The following NEIL3 variants were observed in gnomAD, a reference collection of about 807,000 sequenced individuals.
NEIL3 encodes the protein nei like DNA glycosylase 3.
In NEIL3, 48 loss-of-function variants were observed where a neutral mutation model predicts 57.5. That is an observed-to-expected ratio of 0.83 (90% CI 0.66 to 1.06). The LOEUF (loss-of-function observed/expected upper bound fraction) is 1.06, where lower values mean the gene tolerates loss of function less well. Ranked by LOEUF, NEIL3 falls within the 50% of genes least tolerant of loss-of-function variation. The probability of loss-of-function intolerance (pLI) is 0.00; values close to 1 mark genes in which losing one functional copy is unlikely to be tolerated. For synonymous variants in NEIL3, 261 were observed against 253.2 expected, an observed-to-expected ratio of 1.03 and a Z score of -0.29; for missense variants, 717 against 739.1, an observed-to-expected ratio of 0.97 and a Z score of 0.35.
intron 2 of NEIL3, among the ~76,000 whole-genome samples, chr4:177,327,181 G>A (rs1302029856): frequency 6.6e-6 from 1 of 152,096 alleles, no homozygotes; most frequent in African/African-American, 2.4e-5. Flanking sequence ...ATGATTGTAA[G>A]TTTCCTGAGA....
chr4:177,346,991 G>C (rs544534094), intron 6 of NEIL3, among the ~76,000 whole-genome samples: 63 of 132,000 alleles, frequency 4.8e-4, no homozygotes, highest in Non-Finnish European at 1.4e-4. Flanking sequence ...AACAGAGCGA[G>C]ACTCCGTCTC....
At chr4:177,315,909 A>G (rs6830978) in intron 1 of NEIL3, among the ~76,000 whole-genome samples, 2,675 of 152,306 alleles carry the variant, frequency 0.018, 83 homozygotes, top group African/African-American at 0.058. Flanking sequence ...AGACAACTGA[A>G]TAAAAAAATC....
chr4:177,323,611 A>G (rs34683769), intron 2 of NEIL3, among the ~76,000 whole-genome samples: 77 of 152,282 alleles, frequency 5.1e-4, no homozygotes, highest in African/African-American at 1.7e-3. Context: ...GCATATGCCT[A>G]GTTGTTCATG....
At chr4:177,311,166 TACTC>T (rs1320264112) in intron 1 of NEIL3, among the ~76,000 whole-genome samples, 3 of 152,142 alleles carry the variant, frequency 2.0e-5, no homozygotes, top group African/African-American at 7.2e-5. Context: ...TTATGAAAAT[TACTC>T]ATTCAATAAA....
chr4:177,311,295 A>C lies in NEIL3; in HGVS notation c.156+1186A>C, dbSNP rs1734470960. On this transcript the variant is annotated intron_variant, in intron 1 of 9. Coordinates refer to ENST00000264596, the MANE Select transcript of NEIL3 (RefSeq NM_018248.3). The stretch of plus-strand genomic sequence containing the variant: ...ATTAAATAATCACCTAAAGAAATAT[A>C]AATTAATAAGTTCTGTGAAGGAGAG... 2.0e-5 allele frequency among the ~76,000 whole-genome samples: 3 copies of C among 152,270 alleles called. No individual in the cohort carries two copies. In the South Asian group the frequency reaches 6.2e-4, roughly 32 times the overall value.
intron 6 of NEIL3, 66 bp downstream of exon 6, chr4:177,341,708 A>C: frequency 7.5e-7 from 1 of 1,337,694 alleles, no homozygotes; most frequent in Non-Finnish European, 1.0e-6. Context: ...TAATAATCTG[A>C]GAATATAACT....
chr4:177,351,292 G>T (rs1031505332), intron 6 of NEIL3, 88 bp from the exon 7 acceptor site: 4 of 731,170 alleles, frequency 5.5e-6, no homozygotes, highest in East Asian at 6.4e-5. Flanking sequence ...TAGCATTGGG[G>T]TATTAATGGT....
chr4:177,335,573 C>T (rs1734957093), intron 2 of NEIL3, 115 bp from the exon 3 acceptor site: 1 of 854,866 alleles, frequency 1.2e-6, no homozygotes, highest in Admixed American at 2.4e-5. Context: ...TTAAAAGTGT[C>T]TATCCTGACT....
intron 1 of NEIL3, among the ~76,000 whole-genome samples, chr4:177,316,816 T>C (rs1734582298): frequency 1.3e-5 from 2 of 152,192 alleles, no homozygotes; most frequent in Non-Finnish European, 2.9e-5. Flanking sequence ...TAGTAAGTAC[T>C]ATGACAGTGG....
In NEIL3 at chr4:177,315,521, T is replaced by C. The variant is rs145041829; in HGVS notation, c.156+5412T>C. Among the ~76,000 whole-genome samples, 259 of 152,328 alleles carry C rather than the reference T, an allele frequency of 1.7e-3. No individual in the cohort carries two copies. In the Middle Eastern group the frequency reaches 0.051, roughly 30 times the overall value. On this transcript the variant is annotated intron_variant, in intron 1 of 9. Transcript: ENST00000264596. ...CAAGTGTATATTGGACAATTACGTA[T>C]AGTCATAGCAAAGATAACAGGCTTA...
intron 4 of NEIL3, among the ~76,000 whole-genome samples, chr4:177,336,997 G>T (rs774798256): frequency 4.6e-5 from 7 of 152,026 alleles, no homozygotes; most frequent in Non-Finnish European, 1.0e-4. Context: ...GAAAATATTG[G>T]CTTGCTAGAG....
In NEIL3 at chr4:177,339,773, C is replaced by G. The variant is rs763634289; in HGVS notation, c.628-10C>G. Reference sequence around the variant, plus strand: ...ATGAAACTAGGCTCTGCTGTTTTTTCCACTTCAAGGTTTGTCAATTAACAG... The same window carrying G: ...ATGAAACTAGGCTCTGCTGTTTTTTGCACTTCAAGGTTTGTCAATTAACAG... On this transcript the variant is annotated splice_polypyrimidine_tract_variant and intron_variant, in intron 4 of 9. Coordinates refer to ENST00000264596, the MANE Select transcript of NEIL3 (RefSeq NM_018248.3). 3.8e-6 allele frequency: 6 copies of G among 1,599,004 alleles called. No individual in the cohort carries two copies. The highest frequency in any genetic ancestry group is 5.1e-6 in the Non-Finnish European group (6 of 1,168,114).
chr4:177,323,722 G>A (rs35120812), intron 2 of NEIL3, among the ~76,000 whole-genome samples: 49 of 152,290 alleles, frequency 3.2e-4, no homozygotes, highest in African/African-American at 1.2e-3. Flanking sequence ...ATCTATGCAC[G>A]ATAGTTGAAA....
At chr4:177,327,055 G>A (rs1196242175) in intron 2 of NEIL3, among the ~76,000 whole-genome samples, 3 of 152,090 alleles carry the variant, frequency 2.0e-5, no homozygotes, top group Non-Finnish European at 4.4e-5. Flanking sequence ...TCTTGTGATA[G>A]TGAGTGAGTT....
chr4:177,353,652 C>A lies in NEIL3; in HGVS notation c.1384C>A (p.Pro462Thr), dbSNP rs769952781. The A allele has an allele frequency of 1.4e-5, 22 of 1,613,616 alleles. No individual in the cohort carries two copies. The African/African-American group carries it at 2.4e-4, about 18-fold the overall frequency. Residue 462 changes from proline to threonine, a missense_variant, in exon 8 of 10, where the codon CCA (proline) becomes ACA (threonine). Pro to Thr is a conservative substitution (Grantham distance 38). Coordinates refer to ENST00000264596, the MANE Select transcript of NEIL3 (RefSeq NM_018248.3). ...CAGTTCAGAATCTAAATTATTTAGT[C>A]CAGCACATAAAAAACCGAAAACAGC... Reference protein sequence around the residue: ...TISSESKLFSPAHKKPKTAQY... With the variant: ...TISSESKLFSTAHKKPKTAQY...
At chr4:177,350,550 A>T (rs1431695728) in intron 6 of NEIL3, among the ~76,000 whole-genome samples, 2 of 152,216 alleles carry the variant, frequency 1.3e-5, no homozygotes, top group African/African-American at 4.8e-5. Flanking sequence ...ACAAAGAGAT[A>T]TCTTTTTTCA....
chr4:177,318,957 A>T (rs1734625435), intron 1 of NEIL3, among the ~76,000 whole-genome samples: 1 of 152,224 alleles, frequency 6.6e-6, no homozygotes, highest in African/African-American at 2.4e-5. Context: ...TTATCCAGGT[A>T]AACAGCCATT....
At chr4:177,349,186 G>T (rs1233991613) in intron 6 of NEIL3, among the ~76,000 whole-genome samples, 1 of 151,696 alleles carries the variant, frequency 6.6e-6, no homozygotes, top group Non-Finnish European at 1.5e-5. Flanking sequence ...CCGGCCTCGT[G>T]GGTCATGAAT....
intron 2 of NEIL3, among the ~76,000 whole-genome samples, chr4:177,330,100 C>T (rs185413794): frequency 1.0e-3 from 153 of 152,176 alleles, no homozygotes; most frequent in Admixed American, 3.7e-3. Context: ...TTAGTGGAGA[C>T]GGCGTTTCAC....
Sources: gnomAD v4.1 joint callset for allele counts (sites outside exome capture counted in the v4.1 genomes callset) on GRCh38, gnomAD v4.1.1 for gene constraint, MANE v1.5 for transcripts, NCBI Gene and HGNC (gene_info 2026-07-23, HGNC 2026-07-21) for gene names.